Variants in CTNNA3 observed in about 807,000 individuals in gnomAD.
The protein encoded by CTNNA3 is catenin alpha 3, also known as catenin alpha-3.
A neutral mutation model predicts 95.7 loss-of-function variants in CTNNA3; 76 were observed. That is an observed-to-expected ratio of 0.79 (90% CI 0.66 to 0.96). CTNNA3 has a LOEUF of 0.96. CTNNA3 is among the 40% of genes least tolerant of loss of function. CTNNA3 has a pLI of 0.00. For missense variants in CTNNA3, 1,191 were observed against 1,089.8 expected (o/e 1.09, Z -1.31); for synonymous variants, 431 against 374.4 (o/e 1.15, Z -1.74).
chr10:67,683,518 G>A (rs954207328), intron 1 of CTNNA3, among the ~76,000 whole-genome samples: 3 of 152,138 alleles, frequency 2.0e-5, no homozygotes, highest in Non-Finnish European at 4.4e-5. Context: ...GCTAACTCTG[G>A]GCCTCTTTGA....
intron 14 of CTNNA3, among the ~76,000 whole-genome samples, chr10:66,076,337 G>A (rs986343053): frequency 6.6e-6 from 1 of 151,510 alleles, no homozygotes; most frequent in African/African-American, 2.4e-5. Flanking sequence ...TTAAAATTTT[G>A]AGAACAAATT....
rs187094057 is a variant in CTNNA3, at chr10:66,014,989, G to A, written c.2160-26192C>T. ...ATGGTGGCGCACGCCTGTAGTCCCA[G>A]CTACTCAGGAGGCTGAAGCAGGAGA... On this transcript the variant is annotated intron_variant, in intron 15 of 17. Transcript: ENST00000433211. Among the ~76,000 whole-genome samples the A allele has an allele frequency of 6.4e-4, 97 of 152,096 alleles. 2 individuals are homozygous for A. The East Asian group carries it at 0.018, about 28-fold the overall frequency.
intron 3 of CTNNA3, among the ~76,000 whole-genome samples, chr10:67,552,527 T>C (rs1841069417): frequency 6.6e-6 from 1 of 151,454 alleles, no homozygotes; most frequent in African/African-American, 2.4e-5. Context: ...TCTCGGGGGT[T>C]TTTATAGGCA....
At chr10:67,448,391 C>T (rs1047412464) in intron 5 of CTNNA3, among the ~76,000 whole-genome samples, 1 of 151,874 alleles carries the variant, frequency 6.6e-6, no homozygotes, top group African/African-American at 2.4e-5. Context: ...GAAAATTAAG[C>T]AGGTAAGATA....
intron 7 of CTNNA3, among the ~76,000 whole-genome samples, chr10:67,178,490 G>GT (rs1305546152): frequency 1.3e-5 from 2 of 151,914 alleles, no homozygotes; most frequent in African/African-American, 4.8e-5. Flanking sequence ...GAGAGACTGT[G>GT]TAAGAAAGCT....
At chr10:66,415,385 A>G (rs1443398488) in intron 11 of CTNNA3, among the ~76,000 whole-genome samples, 1 of 152,088 alleles carries the variant, frequency 6.6e-6, no homozygotes, top group Non-Finnish European at 1.5e-5. Flanking sequence ...TTCCCAGAAC[A>G]TTACAGTTAC....
At chr10:66,607,816 T>C (rs1328500561) in intron 10 of CTNNA3, among the ~76,000 whole-genome samples, 1 of 152,114 alleles carries the variant, frequency 6.6e-6, no homozygotes, top group African/African-American at 2.4e-5. Context: ...ATAACAGTCA[T>C]CTATGACAAA....
intron 7 of CTNNA3, among the ~76,000 whole-genome samples, chr10:66,827,371 T>C (rs768278152): frequency 6.6e-6 from 1 of 152,212 alleles, no homozygotes; most frequent in Non-Finnish European, 1.5e-5. Context: ...CTTTCTCTCA[T>C]GCCCTGCACA....
At chr10:66,002,563 C>T (rs2078791051) in intron 15 of CTNNA3, among the ~76,000 whole-genome samples, 1 of 152,148 alleles carries the variant, frequency 6.6e-6, no homozygotes, top group Non-Finnish European at 1.5e-5. Context: ...CAATAAATTT[C>T]ATTCCACTCT....
At chr10:67,063,615 T>C (rs897264807) in intron 7 of CTNNA3, among the ~76,000 whole-genome samples, 8 of 152,308 alleles carry the variant, frequency 5.3e-5, no homozygotes, top group Middle Eastern at 3.4e-3. Context: ...TTTTAGATAA[T>C]GCATATGACA....
At chr10:66,788,722 T>A (rs1403760581) in intron 7 of CTNNA3, among the ~76,000 whole-genome samples, 1 of 148,662 alleles carries the variant, frequency 6.7e-6, no homozygotes, top group Non-Finnish European at 1.5e-5. Flanking sequence ...CATTACAGGT[T>A]AAAAAAAAAA....
intron 7 of CTNNA3, among the ~76,000 whole-genome samples, chr10:66,974,763 T>C (rs1226025667): frequency 1.3e-5 from 2 of 152,222 alleles, no homozygotes; most frequent in Non-Finnish European, 2.9e-5. Flanking sequence ...CCCTAATGAC[T>C]AATGACATTG....
At chr10:66,637,026 T>C (rs956995150) in intron 9 of CTNNA3, among the ~76,000 whole-genome samples, 2 of 152,170 alleles carry the variant, frequency 1.3e-5, no homozygotes, top group Non-Finnish European at 2.9e-5. Context: ...ACAATTTCTA[T>C]ATATCAATTG....
chr10:67,075,071 C>T lies in CTNNA3; in HGVS notation c.1047+105246G>A, dbSNP rs181037261. Among the ~76,000 whole-genome samples the T allele has an allele frequency of 1.5e-3, 224 of 151,800 alleles. 1 individual carries two copies. Among genetic ancestry groups the T allele is most frequent in the African/African-American group, 5.3e-3 (219 of 41,400 alleles). ...CTAACAGTAAGTTTGTTTCCTAGAG[C>T]TGTTTGGTACCTGAACAATTCAGAT... On this transcript the variant is annotated intron_variant, in intron 7 of 17. Coordinates refer to ENST00000433211, the MANE Select transcript of CTNNA3 (RefSeq NM_013266.4).
In CTNNA3 at chr10:67,104,643, T is replaced by G. The variant is rs756811096; in HGVS notation, c.1047+75674A>C. On this transcript the variant is annotated intron_variant, in intron 7 of 17. Transcript: ENST00000433211. ...AAACCATTGAGTTATCTCTTCTATC[T>G]CTCCCTGAACTCCACAAGTGCAAGT... Among the ~76,000 whole-genome samples the G allele has an allele frequency of 4.6e-5, 7 of 151,828 alleles. No homozygotes were observed. In the South Asian group the frequency reaches 1.2e-3, roughly 27 times the overall value.
At chr10:66,450,127 A>G (rs1292569530) in intron 11 of CTNNA3, among the ~76,000 whole-genome samples, 1 of 152,100 alleles carries the variant, frequency 6.6e-6, no homozygotes, top group Admixed American at 6.6e-5. Context: ...AGCAGTTAAC[A>G]TCCCCACTTA....
At chr10:67,179,359 A>G (rs563504358) in intron 7 of CTNNA3, among the ~76,000 whole-genome samples, 1 of 152,174 alleles carries the variant, frequency 6.6e-6, no homozygotes, top group African/African-American at 2.4e-5. Flanking sequence ...GGGGAACAAT[A>G]GTTACAGACA....
At chr10:67,174,707 C>A (rs1406428749) in intron 7 of CTNNA3, among the ~76,000 whole-genome samples, 1 of 152,110 alleles carries the variant, frequency 6.6e-6, no homozygotes. Context: ...TTTCTCTCAA[C>A]TCCCAGCTTG....
chr10:67,143,065 G>C (rs1042613018), intron 7 of CTNNA3, among the ~76,000 whole-genome samples: 1 of 152,084 alleles, frequency 6.6e-6, no homozygotes, highest in African/African-American at 2.4e-5. Context: ...GTTGCTGAAG[G>C]TTAGGGGTGG....
Sources: gnomAD v4.1 joint callset for allele counts (sites outside exome capture counted in the v4.1 genomes callset) on GRCh38, gnomAD v4.1.1 for gene constraint, MANE v1.5 for transcripts, NCBI Gene and HGNC (gene_info 2026-07-23, HGNC 2026-07-21) for gene names.